LAMC2: variants seen among roughly 807,000 people sequenced by gnomAD.
LAMC2 encodes the protein laminin subunit gamma 2, also known as laminin subunit gamma-2.
In LAMC2, 97 loss-of-function variants were observed where a neutral mutation model predicts 140.2. The ratio of observed to expected loss-of-function variants is 0.69; its 90% CI spans 0.59 to 0.82. LAMC2 has a LOEUF of 0.82. Ranked by LOEUF, LAMC2 falls within the 40% of genes least tolerant of loss-of-function variation. The probability of loss-of-function intolerance (pLI) is 0.00; values close to 1 mark genes in which losing one functional copy is unlikely to be tolerated. For missense variants in LAMC2, 1,402 were observed against 1,476.1 expected, an observed-to-expected ratio of 0.95 and a Z score of 0.82; for synonymous variants, 513 against 540.2, an observed-to-expected ratio of 0.95 and a Z score of 0.70.
chr1:183,228,729 T>C lies in LAMC2; in HGVS notation c.1714+110T>C. ...GTTCATATCATGATGTTACTTTGAT[T>C]CTCTGACCAAACTGGCCTGTGAGCA... On this transcript the variant is annotated intron_variant, in intron 11 of 22. Transcript: ENST00000264144. The surrounding 1 kb of genome is among the most constrained non-coding windows in gnomAD (Gnocchi z 4.3). 1 of 1,477,548 alleles carries C rather than the reference T, an allele frequency of 6.8e-7. No homozygotes were observed. The highest frequency in any genetic ancestry group is 9.3e-7 in the Non-Finnish European group (1 of 1,070,442). The allele number at this position is 1,477,548 out of a possible 1,614,324, so 91.5% of individuals were successfully genotyped here. A position where few individuals can be genotyped will look rare whatever the true frequency, so the allele number is the denominator to read the frequency against.
intron 2 of LAMC2, 58 bp from the exon 3 acceptor site, chr1:183,215,395 C>T (rs1312009130): frequency 8.8e-6 from 14 of 1,598,954 alleles, no homozygotes; most frequent in East Asian, 2.2e-5. Context: ...CTTCCAATGC[C>T]GCATACATTA....
At chr1:183,240,695 A>G in intron 22 of LAMC2, 1 of 1,303,044 alleles carries the variant, frequency 7.7e-7, no homozygotes. Context: ...GAATCCTGCT[A>G]AAGAGTCTGG....
rs185341802 is a variant in LAMC2 at position 183,233,213 on chromosome 1, T to G, written c.2220+356T>G. ...CTCAGCCTACAACACAGTGTATAGC[T>G]GTGGTAAATTTCTAGTGTATGAATG... On this transcript the variant is annotated intron_variant, in intron 14 of 22. Transcript: ENST00000264144. Among the ~76,000 whole-genome samples, 5 of 152,178 alleles carry G rather than the reference T, an allele frequency of 3.3e-5. No homozygotes were observed. The East Asian group carries it at 7.7e-4, about 24-fold the overall frequency.
chr1:183,208,150 GA>G, intron 2 of LAMC2, 81 bp downstream of exon 2: 3 of 1,288,106 alleles, frequency 2.3e-6, no homozygotes, highest in Non-Finnish European at 3.4e-6. Flanking sequence ...AGGAAAAGAA[GA>G]AGGAAGGGAA....
chr1:183,252,287 A>G, the LAMC2 span: 1 of 233,768 alleles, frequency 4.3e-6, no homozygotes, highest in Non-Finnish European at 8.3e-6. Flanking sequence ...TGCTGGGAGG[A>G]TGGGCACCAG....
chr1:183,236,893 G>GT (rs1302047551), intron 17 of LAMC2, among the ~76,000 whole-genome samples: 3 of 152,090 alleles, frequency 2.0e-5, no homozygotes, highest in Non-Finnish European at 4.4e-5. Flanking sequence ...TTTTTATAAA[G>GT]TTTTTTTGTT....
chr1:183,235,830 C>A (rs1659945351), intron 16 of LAMC2, 100 bp downstream of exon 16: 2 of 1,233,176 alleles, frequency 1.6e-6, no homozygotes, highest in Non-Finnish European at 2.3e-6. Flanking sequence ...TTGTAAAAAA[C>A]ATATTATTAA....
At chr1:183,193,388 G>A (rs1658405651) in intron 1 of LAMC2, among the ~76,000 whole-genome samples, 1 of 152,146 alleles carries the variant, frequency 6.6e-6, no homozygotes, top group African/African-American at 2.4e-5. Context: ...TTTTGCATCT[G>A]TATATACGTA....
intron 5 of LAMC2, 149 bp from the exon 6 acceptor site, chr1:183,221,940 T>C: frequency 4.3e-6 from 4 of 928,846 alleles, no homozygotes; most frequent in Non-Finnish European, 7.0e-6. Flanking sequence ...ACATGCAGAA[T>C]TTTAAGGACC....
At position 183,232,160 on chromosome 1, in the gene LAMC2, G is replaced by C. The variant is rs763941219; in HGVS notation, c.1858-27G>C. On this transcript the variant is annotated intron_variant, in intron 12 of 22. Transcript: ENST00000264144. ...CCTTGGGTACATGGTCTCCACCCTCGTTCTGATCTTTCCTGTGTGGTTTCA... is the reference window on the plus strand; with the variant it reads ...CCTTGGGTACATGGTCTCCACCCTCCTTCTGATCTTTCCTGTGTGGTTTCA... 7 of 1,612,782 alleles carry C rather than the reference G, an allele frequency of 4.3e-6. No individual in the cohort carries two copies. In the South Asian group the frequency reaches 7.7e-5, roughly 18 times the overall value.
chr1:183,203,237 A>T (rs980222452), intron 1 of LAMC2, among the ~76,000 whole-genome samples: 3 of 152,216 alleles, frequency 2.0e-5, no homozygotes, highest in African/African-American at 7.2e-5. Context: ...ATGTGGCTGC[A>T]ACTGGCAGGG....
intron 1 of LAMC2, among the ~76,000 whole-genome samples, chr1:183,187,426 G>A (rs528642112): frequency 6.7e-6 from 1 of 150,290 alleles, no homozygotes; most frequent in African/African-American, 2.4e-5. Context: ...AGTCCTTTTT[G>A]TCTAAAAAAG....
At chr1:183,237,270 A>T (rs756965734) in intron 17 of LAMC2, 82 bp from the exon 18 acceptor site, 1 of 1,512,732 alleles carries the variant, frequency 6.6e-7, no homozygotes, top group Non-Finnish European at 9.2e-7. Context: ...GCTATTTTCA[A>T]ACAATGGTGC....
chr1:183,198,540 T>C (rs552199845), intron 1 of LAMC2, among the ~76,000 whole-genome samples: 1 of 152,344 alleles, frequency 6.6e-6, no homozygotes, highest in African/African-American at 2.4e-5. Flanking sequence ...TCAGTTTTAG[T>C]GCACTAAGCA....
chr1:183,232,636 C>T lies in LAMC2; in HGVS notation c.2015-16C>T. On this transcript the variant is annotated splice_polypyrimidine_tract_variant and intron_variant, in intron 13 of 22. Transcript: ENST00000264144. Reference sequence around the variant, plus strand: ...CCCAGAAAGTGCTCATGCTCCCTTTCCTTCTTTGCGTTCAGGTGCTAGCAG... The same window carrying T: ...CCCAGAAAGTGCTCATGCTCCCTTTTCTTCTTTGCGTTCAGGTGCTAGCAG... The T allele has an allele frequency of 1.9e-6, 3 of 1,609,550 alleles. 1 individual carries two copies. The highest frequency in any genetic ancestry group is 4.2e-4 in the Middle Eastern group (2 of 4,728).
the LAMC2 span, among the ~76,000 whole-genome samples, chr1:183,254,834 G>C: frequency 6.6e-6 from 1 of 152,146 alleles, no homozygotes; most frequent in African/African-American, 2.4e-5. Context: ...TCTGATATAT[G>C]ATTTGAAAAT....
chr1:183,202,804 A>G (rs552516306), intron 1 of LAMC2, among the ~76,000 whole-genome samples: 3 of 152,134 alleles, frequency 2.0e-5, no homozygotes, highest in African/African-American at 7.2e-5. Context: ...TTCCCCCCAA[A>G]TTGCATGTAA....
In LAMC2 at chr1:183,239,682, A is replaced by G. The variant is rs916840639; in HGVS notation, c.3069+119A>G. On this transcript the variant is annotated intron_variant, in intron 20 of 22. Transcript: ENST00000264144. ...GAGGCTCAGAGCCCTGTTGTGGCCC[A>G]TGGGAGCCCCAGATTAAAAGACTAT... The G allele has an allele frequency of 4.8e-4, 406 of 843,754 alleles. 2 individuals are homozygous for G. Among genetic ancestry groups the G allele is most frequent in the Admixed American group, 2.9e-4 (11 of 38,240 alleles). The allele number at this position is 843,754 out of a possible 1,614,324, so 52.3% of individuals were successfully genotyped here.
rs776474362 is a variant in LAMC2, at chr1:183,238,414, C to T, written c.2862C>T (p.Asn954=). ...ATGAAGTTGAGAGCATCCTTAAAAA[C>T]CTCAGAGGTTAGTACTTCATGGTTC... The part of the protein sequence containing the change: ...TFYEVESILK[N]LREFDLQVDN... Residue 954 remains asparagine, a synonymous_variant, in exon 19 of 23, where the codon AAC becomes AAT. Transcript: ENST00000264144. 8 of 1,606,284 alleles carry T rather than the reference C, an allele frequency of 5.0e-6. No individual in the cohort carries two copies. Among genetic ancestry groups the T allele is most frequent in the Middle Eastern group, 3.3e-4 (2 of 6,072 alleles).
Sources: gnomAD v4.1 joint callset for allele counts (sites outside exome capture counted in the v4.1 genomes callset) on GRCh38, gnomAD v4.1.1 for gene constraint, Gnocchi (gnomAD v3.1) non-coding constraint, MANE v1.5 for transcripts, NCBI Gene and HGNC (gene_info 2026-07-23, HGNC 2026-07-21) for gene names.